CAP2: variants seen among roughly 807,000 people sequenced by gnomAD.
CAP2 encodes the protein adenylyl cyclase-associated protein 2.
In CAP2, 24 loss-of-function variants were observed where a neutral mutation model predicts 57.7. The observed-to-expected ratio is 0.42, with a 90% CI of 0.30 to 0.58. The LOEUF (loss-of-function observed/expected upper bound fraction) is 0.58. Among genes scored for constraint, CAP2 ranks in the 20% least tolerant of loss-of-function variants. The pLI is 0.22. For missense variants in CAP2, 501 were observed against 590.3 expected, an observed-to-expected ratio of 0.85 and a Z score of 1.57; for synonymous variants, 194 against 207.2, an observed-to-expected ratio of 0.94 and a Z score of 0.55.
intron 2 of CAP2, among the ~76,000 whole-genome samples, chr6:17,421,959 A>G (rs1326703561): frequency 6.6e-6 from 1 of 151,768 alleles, no homozygotes; most frequent in Non-Finnish European, 1.5e-5. Flanking sequence ...CATAGCTCAC[A>G]GTGACCTCAA....
At chr6:17,397,694 CAAAAAAA>C (rs554131865) in intron 1 of CAP2, among the ~76,000 whole-genome samples, 10 of 70,612 alleles carry the variant, frequency 1.4e-4, no homozygotes, top group East Asian at 1.5e-3. Flanking sequence ...GACTCCATAT[CAAAAAAA>C]AAAAAAAAAA....
At chr6:17,508,192 A>T (rs188578443) in intron 6 of CAP2, among the ~76,000 whole-genome samples, 8 of 152,348 alleles carry the variant, frequency 5.3e-5, no homozygotes, top group African/African-American at 1.7e-4. Flanking sequence ...AGTTAATATG[A>T]AATACAACTG....
At chr6:17,435,682 A>T (rs1444857061) in intron 3 of CAP2, among the ~76,000 whole-genome samples, 1 of 138 alleles carries the variant, frequency 7.2e-3, no homozygotes, top group Non-Finnish European at 0.028. Context: ...AGAGTATAAT[A>T]AAAAAAAAAA....
At chr6:17,531,694 AG>A (rs1278881212) in intron 7 of CAP2, 2 of 690,966 alleles carry the variant, frequency 2.9e-6, no homozygotes, top group Non-Finnish European at 4.9e-6. Context: ...GAACACTAAT[AG>A]GTTGTCTGAC....
intron 6 of CAP2, among the ~76,000 whole-genome samples, chr6:17,511,436 T>C (rs1198829292): frequency 2.6e-5 from 4 of 152,072 alleles, no homozygotes; most frequent in African/African-American, 9.7e-5. Context: ...TGACTGCTCA[T>C]TGGCTGTTTT....
intron 4 of CAP2, among the ~76,000 whole-genome samples, chr6:17,484,141 C>T (rs911667094): frequency 5.9e-5 from 9 of 151,974 alleles, no homozygotes; most frequent in Non-Finnish European, 2.9e-5. Context: ...AAATCAAAGA[C>T]GGATGGACTC....
chr6:17,540,823 T>G, intron 8 of CAP2, 150 bp from the exon 9 acceptor site: 1 of 679,968 alleles, frequency 1.5e-6, no homozygotes, highest in South Asian at 2.1e-5. Context: ...ACTCAGCTCC[T>G]GCATCCTGAC....
At position 17,432,430 on chromosome 6, in the gene CAP2, T is replaced by C. The variant is rs1243135573; in HGVS notation, c.222+5740T>C. Reference sequence around the variant, plus strand: ...GCCTTCAGCCAACTTGCTCTTCCCATGAACTTCCAGTTTTCTGTTCACTGT... The same window carrying C: ...GCCTTCAGCCAACTTGCTCTTCCCACGAACTTCCAGTTTTCTGTTCACTGT... On this transcript the variant is annotated intron_variant, in intron 3 of 12. Transcript: ENST00000229922. 2.0e-5 allele frequency among the ~76,000 whole-genome samples: 3 copies of C among 152,340 alleles called. No individual in the cohort carries two copies. The East Asian group carries it at 5.8e-4, about 29-fold the overall frequency.
intron 3 of CAP2, among the ~76,000 whole-genome samples, chr6:17,456,463 T>G (rs752548): frequency 6.6e-6 from 1 of 152,096 alleles, no homozygotes; most frequent in African/African-American, 2.4e-5. Flanking sequence ...CAATTTCATC[T>G]GTCAGGTTCT....
At chr6:17,427,841 G>A (rs529979066) in intron 3 of CAP2, among the ~76,000 whole-genome samples, 1 of 152,324 alleles carries the variant, frequency 6.6e-6, no homozygotes, top group African/African-American at 2.4e-5. Context: ...GTTACATGCT[G>A]TAGTATGGAT....
intron 3 of CAP2, among the ~76,000 whole-genome samples, chr6:17,427,797 A>T (rs561244677): frequency 6.6e-6 from 1 of 152,340 alleles, no homozygotes; most frequent in Admixed American, 6.5e-5. Context: ...CATACAATGG[A>T]ATATTATTCA....
chr6:17,420,318 A>C (rs936643049), intron 1 of CAP2, among the ~76,000 whole-genome samples: 3 of 152,252 alleles, frequency 2.0e-5, no homozygotes, highest in African/African-American at 7.2e-5. Context: ...AAGCCTTACA[A>C]AAGGAAAATA....
chr6:17,515,550 C>G (rs553300751), intron 7 of CAP2, among the ~76,000 whole-genome samples: 1 of 152,098 alleles, frequency 6.6e-6, no homozygotes, highest in African/African-American at 2.4e-5. Flanking sequence ...CACCCCCAAA[C>G]CTCAGCATCA....
intron 4 of CAP2, among the ~76,000 whole-genome samples, chr6:17,491,130 T>G (rs1177629532): frequency 6.6e-6 from 1 of 152,112 alleles, no homozygotes; most frequent in Non-Finnish European, 1.5e-5. Context: ...TCTAGCACCC[T>G]TGCATTGAAC....
chr6:17,443,561 C>T (rs1195293489), intron 3 of CAP2, among the ~76,000 whole-genome samples: 1 of 127,448 alleles, frequency 7.8e-6, no homozygotes, highest in African/African-American at 3.3e-5. Context: ...CACCCATTCC[C>T]ACAAAACACA....
At chr6:17,474,718 A>C (rs1394409855) in intron 4 of CAP2, among the ~76,000 whole-genome samples, 1 of 151,506 alleles carries the variant, frequency 6.6e-6, no homozygotes, top group Non-Finnish European at 1.5e-5. Flanking sequence ...AAACACTTCT[A>C]CTGTTATTTT....
chr6:17,555,708 C>T (rs1019759849), intron 12 of CAP2, among the ~76,000 whole-genome samples: 14 of 151,740 alleles, frequency 9.2e-5, no homozygotes, highest in Admixed American at 3.9e-4. Context: ...AGACTACAGG[C>T]GCATGCCACC....
chr6:17,523,471 G>A (rs1217614707), intron 7 of CAP2, among the ~76,000 whole-genome samples: 1 of 152,086 alleles, frequency 6.6e-6, no homozygotes, highest in Non-Finnish European at 1.5e-5. Context: ...AGACCCCGAT[G>A]TACGTGTTGG....
chr6:17,442,197 T>G (rs1349338448), intron 3 of CAP2, among the ~76,000 whole-genome samples: 1 of 152,162 alleles, frequency 6.6e-6, no homozygotes, highest in Non-Finnish European at 1.5e-5. Context: ...TCCTTAGAGC[T>G]CATGATATAA....
Sources: gnomAD v4.1 joint callset for allele counts (sites outside exome capture counted in the v4.1 genomes callset) on GRCh38, gnomAD v4.1.1 for gene constraint, MANE v1.5 for transcripts, NCBI Gene and HGNC (gene_info 2026-07-23, HGNC 2026-07-21) for gene names.